The following CA1 variants were observed in gnomAD, a reference collection of about 807,000 sequenced individuals.
CA1 encodes the protein carbonic anhydrase 1, also known as carbonate dehydratase I.
Under a neutral mutation model 28.8 loss-of-function variants are expected in CA1, and 27 were observed. The ratio of observed to expected loss-of-function variants is 0.94; its 90% confidence interval spans 0.69 to 1.29. The LOEUF is 1.29. Ranked by LOEUF, CA1 falls within the 50% of genes most tolerant of loss-of-function variation. The probability of loss-of-function intolerance (pLI) is 0.00; values close to 1 mark genes in which losing one functional copy is unlikely to be tolerated. For synonymous variants in CA1, 121 were observed against 108.8 expected (o/e 1.11, Z -0.70); for missense variants, 335 against 310.5 (o/e 1.08, Z -0.59).
Position 85,337,058 on chromosome 8 carries a change from T to A in CA1, c.241A>T (p.Lys81Ter), listed in dbSNP as rs1490875384. The change falls in exon 4 of 8, where the codon AAA becomes TAA. Residue 81 changes from lysine (K) to a stop codon, truncating the protein, a stop_gained. Transcript: ENST00000523022. LOFTEE classifies it high-confidence loss of function. ...TAGCTGTCAGAGAAAGGACCACCTTTCAGCACTGGAAGAAAAGGGAACCGA... is the reference window on the plus strand; with the variant it reads ...TAGCTGTCAGAGAAAGGACCACCTTACAGCACTGGAAGAAAAGGGAACCGA... The part of the protein sequence containing the change: ...FEDNDNRSVL[K>*]GGPFSDSYRL... The A allele has an allele frequency of 4.4e-6, 7 of 1,589,326 alleles. No individual in the cohort carries two copies. In the South Asian group the frequency reaches 5.5e-5, roughly 13 times the overall value.
chr8:85,342,358 A>G (rs1808963698), intron 1 of CA1, among the ~76,000 whole-genome samples: 1 of 152,186 alleles, frequency 6.6e-6, no homozygotes, highest in Admixed American at 6.6e-5. Context: ...TAATTTATAA[A>G]CCAGTTTCTT....
chr8:85,355,735 T>A (rs1809581776), intron 1 of CA1, among the ~76,000 whole-genome samples: 1 of 151,924 alleles, frequency 6.6e-6, no homozygotes. Flanking sequence ...AGTATATATT[T>A]TTTATTTTAA....
At chr8:85,351,269 T>A (rs1365128303) in intron 1 of CA1, among the ~76,000 whole-genome samples, 1 of 152,198 alleles carries the variant, frequency 6.6e-6, no homozygotes, top group Non-Finnish European at 1.5e-5. Flanking sequence ...CACTGTGCCA[T>A]TTATTTTGGT....
At chr8:85,355,379 CTTA>C (rs1809565217) in intron 1 of CA1, among the ~76,000 whole-genome samples, 2 of 152,046 alleles carry the variant, frequency 1.3e-5, no homozygotes, top group African/African-American at 4.8e-5. Flanking sequence ...TACCTATGCA[CTTA>C]TTTTTTATTT....
chr8:85,376,717 A>G (rs1208311847), intron 1 of CA1, among the ~76,000 whole-genome samples: 1 of 152,018 alleles, frequency 6.6e-6, no homozygotes. Flanking sequence ...AAAACTAGGT[A>G]AGGGTACACA....
At chr8:85,358,732 G>A (rs529983013) in intron 1 of CA1, among the ~76,000 whole-genome samples, 7 of 152,182 alleles carry the variant, frequency 4.6e-5, no homozygotes, top group Non-Finnish European at 7.3e-5. Flanking sequence ...AACAACACGA[G>A]CGAAGGCTTG....
At chr8:85,338,081 G>A (rs1184046434) in intron 3 of CA1, 171 bp downstream of exon 3, 2 of 716,428 alleles carry the variant, frequency 2.8e-6, no homozygotes, top group Non-Finnish European at 5.1e-6. Flanking sequence ...TCCAAAAATT[G>A]TCTTTACCAC....
chr8:85,329,976 A>G (rs1385528625), intron 6 of CA1, 132 bp from the exon 7 acceptor site: 1 of 759,612 alleles, frequency 1.3e-6, no homozygotes, highest in Non-Finnish European at 2.2e-6. Flanking sequence ...TTTTTCTACT[A>G]TTTAGTATTT....
At chr8:85,356,178 A>G (rs1809600473) in intron 1 of CA1, among the ~76,000 whole-genome samples, 1 of 152,228 alleles carries the variant, frequency 6.6e-6, no homozygotes, top group Non-Finnish European at 1.5e-5. Flanking sequence ...TAAAATACCA[A>G]AAAGAAAATG....
chr8:85,333,661 G>A, intron 4 of CA1, 41 bp from the exon 5 acceptor site: 4 of 1,271,596 alleles, frequency 3.1e-6, no homozygotes, highest in Non-Finnish European at 4.6e-6. Flanking sequence ...TTATACCAGT[G>A]TGATGAAAAA....
At chr8:85,365,462 G>A (rs1044794198) in intron 1 of CA1, among the ~76,000 whole-genome samples, 16 of 152,156 alleles carry the variant, frequency 1.1e-4, no homozygotes, top group African/African-American at 3.9e-4. Flanking sequence ...TATTATTATG[G>A]TAAAAGGAAT....
chr8:85,356,559 A>G (rs1277278551), intron 1 of CA1, among the ~76,000 whole-genome samples: 1 of 152,224 alleles, frequency 6.6e-6, no homozygotes, highest in African/African-American at 2.4e-5. Flanking sequence ...TCCATTTAGT[A>G]TATTCACTTT....
At position 85,328,340 on chromosome 8, in the gene CA1, A is replaced by T; in HGVS notation, c.*220T>A. On this transcript the variant is annotated 3_prime_UTR_variant, in exon 8 of 8. Transcript: ENST00000523022. ...CAAACTAAACTTGAATTTAAGCATAAGCTTATGCTTACAGATTACTATTTG... is the reference window on the plus strand; with the variant it reads ...CAAACTAAACTTGAATTTAAGCATATGCTTATGCTTACAGATTACTATTTG... The T allele has an allele frequency of 2.7e-6, 1 of 363,640 alleles. No homozygotes were observed. The highest frequency in any genetic ancestry group is 4.9e-6 in the Non-Finnish European group (1 of 202,382). 22.5% of individuals were successfully genotyped at this position (363,640 alleles called of 1,614,324 possible).
intron 3 of CA1, chr8:85,337,835 A>G: frequency 3.5e-6 from 1 of 282,486 alleles, no homozygotes; most frequent in Non-Finnish European, 6.9e-6. Flanking sequence ...TCTGGAGTAT[A>G]AGGATAATTC....
Position 85,328,229 on chromosome 8 carries a change from G to A in CA1, c.*331C>T, listed in dbSNP as rs1808249899. 1 of 180,444 alleles carries A rather than the reference G, an allele frequency of 5.5e-6. No individual in the cohort carries two copies. The highest frequency in any genetic ancestry group is 1.2e-5 in the Non-Finnish European group (1 of 86,030). The allele number at this position is 180,444 out of a possible 1,614,324, so 11.2% of individuals were successfully genotyped here. On this transcript the variant is annotated 3_prime_UTR_variant, in exon 8 of 8. Transcript: ENST00000523022. ...TTAGAAACTGAATGCACAACAGAAAGAAAGAGATAAAATTATTTTATTGGT... is the reference window on the plus strand; with the variant it reads ...TTAGAAACTGAATGCACAACAGAAAAAAAGAGATAAAATTATTTTATTGGT...
intron 1 of CA1, among the ~76,000 whole-genome samples, chr8:85,360,161 G>A (rs576897425): frequency 7.9e-5 from 12 of 152,240 alleles, no homozygotes; most frequent in Non-Finnish European, 1.2e-4. Flanking sequence ...ATGAGATTTT[G>A]TAGCCTTTTA....
chr8:85,365,017 A>G (rs1195235992), intron 1 of CA1, among the ~76,000 whole-genome samples: 1 of 152,186 alleles, frequency 6.6e-6, no homozygotes, highest in African/African-American at 2.4e-5. Flanking sequence ...CAAGAGGTCC[A>G]GGATGAGATG....
chr8:85,366,093 C>A (rs1218616781), intron 1 of CA1, among the ~76,000 whole-genome samples: 2 of 151,576 alleles, frequency 1.3e-5, no homozygotes, highest in Non-Finnish European at 2.9e-5. Flanking sequence ...AGAGGAACTG[C>A]AACTTTGAGC....
chr8:85,334,996 A>G (rs1808589552), intron 4 of CA1, among the ~76,000 whole-genome samples: 1 of 96,730 alleles, frequency 1.0e-5, no homozygotes, highest in Non-Finnish European at 2.0e-5. Context: ...TCTCAAAAAT[A>G]AATAAATAAA....
Sources: allele counts gnomAD v4.1 joint callset (sites outside exome capture counted in the v4.1 genomes callset), GRCh38; gene constraint gnomAD v4.1.1; transcripts MANE v1.5; gene names NCBI Gene and HGNC (gene_info 2026-07-23, HGNC 2026-07-21).